Variants in ZNF469 observed in about 807,000 individuals in gnomAD.
ZNF469 encodes zinc finger protein 469.
Under a neutral mutation model 1.0 loss-of-function variants are expected in ZNF469, and 1 was observed. That is an observed-to-expected ratio of 1.00 (90% confidence interval 0.35 to 4.73). The LOEUF is 4.73. Among genes scored for constraint, ZNF469 ranks in the 30% most tolerant of loss-of-function variants. The pLI, the probability that ZNF469 is intolerant of heterozygous loss-of-function variation, is 0.16. For missense variants in ZNF469, 6,100 were observed against 5,356.3 expected (o/e 1.14, Z -4.33); for synonymous variants, 2,703 against 2,363.4 (o/e 1.14, Z -4.17).
chr16:88,284,085 C>A, the ZNF469 span, among the ~76,000 whole-genome samples: 1 of 16,454 alleles, frequency 6.1e-5, no homozygotes, highest in Non-Finnish European at 1.1e-4. Context: ...CCGAGGTCTG[C>A]GGAGGCTGGT....
chr16:88,345,760 C>T, the ZNF469 span, among the ~76,000 whole-genome samples: 6 of 152,136 alleles, frequency 3.9e-5, no homozygotes, highest in South Asian at 2.1e-4. Flanking sequence ...GGAACTCCCC[C>T]GGACTGGAAG....
At chr16:88,168,922 C>T in the ZNF469 span, among the ~76,000 whole-genome samples, 2 of 142,970 alleles carry the variant, frequency 1.4e-5, no homozygotes, top group East Asian at 2.0e-4. The surrounding 1 kb of genome is among the most constrained non-coding windows in gnomAD (Gnocchi z 4.3). Flanking sequence ...ATAGTGAGAC[C>T]CCCCCCTCTA....
chr16:88,300,603 C>T, the ZNF469 span, among the ~76,000 whole-genome samples: 1 of 152,208 alleles, frequency 6.6e-6, no homozygotes, highest in Non-Finnish European at 1.5e-5. Flanking sequence ...GAGGTTGGCA[C>T]ACCATTGTGT....
the ZNF469 span, among the ~76,000 whole-genome samples, chr16:88,186,584 C>T: frequency 1.3e-5 from 2 of 152,116 alleles, no homozygotes; most frequent in East Asian, 1.9e-4. Flanking sequence ...ACGAAGAGGC[C>T]GAACACAGCA....
chr16:88,193,348 A>C, the ZNF469 span, among the ~76,000 whole-genome samples: 8 of 151,720 alleles, frequency 5.3e-5, no homozygotes, highest in African/African-American at 1.9e-4. Context: ...GATGATAAGG[A>C]TGATGATATT....
chr16:88,346,550 G>A, the ZNF469 span, among the ~76,000 whole-genome samples: 21 of 152,314 alleles, frequency 1.4e-4, no homozygotes, highest in South Asian at 4.1e-4. Flanking sequence ...ACAGGGTCTC[G>A]CGCTGTTGCC....
chr16:88,130,598 C>G, the ZNF469 span, among the ~76,000 whole-genome samples: 1 of 150,526 alleles, frequency 6.6e-6, no homozygotes, highest in Non-Finnish European at 1.5e-5. Context: ...CCCAGCTACT[C>G]GGGAGGCTGA....
At chr16:88,416,334 G>T (rs528951365) in intron 1 of ZNF469, among the ~76,000 whole-genome samples, 3 of 152,164 alleles carry the variant, frequency 2.0e-5, no homozygotes, top group Admixed American at 1.3e-4. Context: ...GTGGCTGCTC[G>T]AAGTTCACTT....
At chr16:88,154,512 C>T in the ZNF469 span, among the ~76,000 whole-genome samples, 2 of 152,220 alleles carry the variant, frequency 1.3e-5, no homozygotes, top group Non-Finnish European at 2.9e-5. Flanking sequence ...AACCATGGTA[C>T]CATCGTAGAA....
Position 88,434,719 on chromosome 16 carries a change from G to A in ZNF469, c.7249G>A (p.Asp2417Asn). The change falls in exon 3 of 3, where the codon GAC becomes AAC. Residue 2417 changes from aspartate to asparagine, a missense_variant. By Grantham distance (23) the Asp-to-Asn change is conservative. Coordinates refer to ENST00000565624, the MANE Select transcript of ZNF469 (RefSeq NM_001367624.2). ...RTTAPSSTASDFQSDSPQSHR... is the reference protein window; with the variant it reads ...RTTAPSSTASNFQSDSPQSHR... ...CACAGCCCCAAGCAGCACAGCCAGT[G>A]ACTTCCAGTCTGACTCCCCCCAAAG... The A allele has an allele frequency of 6.5e-7, 1 of 1,550,360 alleles. No individual in the cohort carries two copies. The highest frequency in any genetic ancestry group is 8.7e-7 in the Non-Finnish European group (1 of 1,146,970).
the ZNF469 span, among the ~76,000 whole-genome samples, chr16:88,307,251 T>A: frequency 1.3e-5 from 2 of 152,278 alleles, no homozygotes; most frequent in Non-Finnish European, 2.9e-5. Context: ...GTTCTTCCAC[T>A]GATGGAAGTG....
rs138784186 is a variant in ZNF469 at position 88,416,372 on chromosome 16, C to T, written c.-191-8435C>T. Among the ~76,000 whole-genome samples the T allele has an allele frequency of 1.9e-3, 294 of 152,332 alleles. 2 individuals are homozygous for T. The highest frequency in any genetic ancestry group is 6.8e-3 in the Middle Eastern group (2 of 294). ...GCTATTGCTGCCCGGGCGTCCTCATCTGTGAGATGGGCCTGCTGGGGCTTC... is the reference window on the plus strand; with the variant it reads ...GCTATTGCTGCCCGGGCGTCCTCATTTGTGAGATGGGCCTGCTGGGGCTTC... On this transcript the variant is annotated intron_variant, in intron 1 of 2. Transcript: ENST00000565624.
chr16:88,417,398 T>C (rs1311661680), intron 1 of ZNF469, among the ~76,000 whole-genome samples: 1 of 152,184 alleles, frequency 6.6e-6, no homozygotes, highest in African/African-American at 2.4e-5. Flanking sequence ...AAGTGGGTTC[T>C]GGGGCTGTGG....
At chr16:88,291,965 G>A in the ZNF469 span, among the ~76,000 whole-genome samples, 5 of 152,226 alleles carry the variant, frequency 3.3e-5, no homozygotes, top group African/African-American at 1.2e-4. Context: ...GCTGCCCAGG[G>A]AAGGGGCTGG....
chr16:88,411,113 G>T (rs11076714), intron 1 of ZNF469, among the ~76,000 whole-genome samples: 125,960 of 152,172 alleles, frequency 0.83, 53,540 homozygotes, highest in South Asian at 0.97. Context: ...AAGACCCTAT[G>T]TCTAGGTAAG....
the ZNF469 span, among the ~76,000 whole-genome samples, chr16:88,108,380 G>A: frequency 2.6e-5 from 4 of 152,190 alleles, no homozygotes; most frequent in South Asian, 2.1e-4. Context: ...AGCCCATCTC[G>A]ATTCTGGACT....
At chr16:88,278,825 TCGG>T in the ZNF469 span, among the ~76,000 whole-genome samples, 1 of 135,096 alleles carries the variant, frequency 7.4e-6, no homozygotes, top group African/African-American at 2.5e-5. Flanking sequence ...ACGCTGACAC[TCGG>T]TCAGTACCTT....
At chr16:88,346,582 G>A in the ZNF469 span, among the ~76,000 whole-genome samples, 5 of 152,050 alleles carry the variant, frequency 3.3e-5, no homozygotes. Flanking sequence ...GCAGTGGCAC[G>A]ATGTTGGCTC....
the ZNF469 span, among the ~76,000 whole-genome samples, chr16:88,156,150 T>A: frequency 6.6e-6 from 1 of 152,256 alleles, no homozygotes; most frequent in Admixed American, 6.5e-5. Context: ...AGATACATGT[T>A]CCTTATCAGA....
Sources: allele counts gnomAD v4.1 joint callset (sites outside exome capture counted in the v4.1 genomes callset), GRCh38; gene constraint gnomAD v4.1.1; non-coding constraint Gnocchi (gnomAD v3.1); transcripts MANE v1.5; gene names NCBI Gene and HGNC (gene_info 2026-07-23, HGNC 2026-07-21).